The following MTHFD2L variants were observed in gnomAD, a reference collection of about 807,000 sequenced individuals.
MTHFD2L encodes the protein bifunctional methylenetetrahydrofolate dehydrogenase/cyclohydrolase 2, mitochondrial.
In MTHFD2L, 29 loss-of-function variants were observed where a neutral mutation model predicts 34.9. That is an observed-to-expected ratio of 0.83 (90% confidence interval 0.62 to 1.13). MTHFD2L has a LOEUF of 1.13. Ranked by LOEUF, MTHFD2L falls within the 50% of genes most tolerant of loss-of-function variation. The pLI is 0.00. For synonymous variants in MTHFD2L, 167 were observed against 155.7 expected, an observed-to-expected ratio of 1.07 and a Z score of -0.54; for missense variants, 481 against 446.5, an observed-to-expected ratio of 1.08 and a Z score of -0.70.
At chr4:74,211,041 A>C (rs1736225742) in intron 5 of MTHFD2L, among the ~76,000 whole-genome samples, 1 of 152,172 alleles carries the variant, frequency 6.6e-6, no homozygotes, top group Non-Finnish European at 1.5e-5. Context: ...TTGTGTCCTG[A>C]GACTTTGCTG....
At chr4:74,143,290 A>G (rs186663003) in intron 1 of MTHFD2L, 153 of 407,960 alleles carry the variant, frequency 3.8e-4, no homozygotes, top group Non-Finnish European at 4.5e-4. Context: ...CGATCTGGCT[A>G]GAATTTGAGT....
chr4:74,228,273 T>TG (rs1202340088), intron 6 of MTHFD2L, among the ~76,000 whole-genome samples: 1 of 152,232 alleles, frequency 6.6e-6, no homozygotes, highest in Non-Finnish European at 1.5e-5. Context: ...AGTATTATAC[T>TG]GACTTCTTTT....
At chr4:74,296,041 A>C (rs1749590167) in intron 7 of MTHFD2L, among the ~76,000 whole-genome samples, 1 of 152,134 alleles carries the variant, frequency 6.6e-6, no homozygotes, top group South Asian at 2.1e-4. Flanking sequence ...CTTCCCAACT[A>C]GACTAAAAGC....
rs1369354629 is a variant in MTHFD2L at position 74,301,866 on chromosome 4, G to T, written c.*57G>T. On this transcript the variant is annotated 3_prime_UTR_variant, in exon 8 of 8. Coordinates refer to ENST00000325278, the MANE Select transcript of MTHFD2L (RefSeq NM_001144978.3). Reference sequence around the variant, plus strand: ...ATGCTATTTGTTTATTTGACAAAGGGTAAAACCTTTATATTTTACTACAAA... The same window carrying T: ...ATGCTATTTGTTTATTTGACAAAGGTTAAAACCTTTATATTTTACTACAAA... 24 of 1,082,358 alleles carry T rather than the reference G, an allele frequency of 2.2e-5. 1 individual carries two copies. In the South Asian group the frequency reaches 2.4e-4, roughly 11 times the overall value. 67.0% of individuals were successfully genotyped at this position (1,082,358 alleles called of 1,614,324 possible). A position where few individuals can be genotyped will look rare whatever the true frequency, so the allele number is the denominator to read the frequency against.
intron 1 of MTHFD2L, among the ~76,000 whole-genome samples, chr4:74,143,765 C>A (rs1723422320): frequency 6.6e-6 from 1 of 151,582 alleles, no homozygotes; most frequent in Non-Finnish European, 1.5e-5. Flanking sequence ...AATTTTGAGC[C>A]CTAGAAGAAT....
intron 1 of MTHFD2L, among the ~76,000 whole-genome samples, chr4:74,134,661 G>T (rs528129291): frequency 8.7e-4 from 133 of 152,196 alleles, no homozygotes; most frequent in Non-Finnish European, 1.5e-3. Context: ...GGCGATTTGT[G>T]AACTCTCTGA....
chr4:74,172,410 T>A (rs931510994), intron 1 of MTHFD2L, among the ~76,000 whole-genome samples: 6 of 152,204 alleles, frequency 3.9e-5, no homozygotes, highest in Non-Finnish European at 8.8e-5. Flanking sequence ...GAATTCATCA[T>A]GACATTTCAT....
At chr4:74,242,726 G>A (rs1383150026) in intron 6 of MTHFD2L, among the ~76,000 whole-genome samples, 1 of 152,178 alleles carries the variant, frequency 6.6e-6, no homozygotes, top group South Asian at 2.1e-4. Flanking sequence ...TTTATATCAA[G>A]TGTAAGTGTT....
intron 3 of MTHFD2L, chr4:74,194,041 T>A (rs1323571498): frequency 6.6e-6 from 1 of 152,202 alleles, no homozygotes; most frequent in African/African-American, 2.4e-5. Flanking sequence ...TAAAGTTTTT[T>A]ATAAATGCCT....
At chr4:74,256,158 C>T (rs1744000483) in intron 6 of MTHFD2L, among the ~76,000 whole-genome samples, 1 of 152,178 alleles carries the variant, frequency 6.6e-6, no homozygotes, top group Non-Finnish European at 1.5e-5. Context: ...GCCTCACCAG[C>T]ATCTGTTGTC....
chr4:74,186,971 G>A (rs1366427618), intron 3 of MTHFD2L, among the ~76,000 whole-genome samples: 1 of 152,062 alleles, frequency 6.6e-6, no homozygotes, highest in Non-Finnish European at 1.5e-5. Context: ...TCAGATCAAT[G>A]AAACAAAATA....
At chr4:74,204,572 A>G (rs866269559) in intron 5 of MTHFD2L, among the ~76,000 whole-genome samples, 1 of 152,200 alleles carries the variant, frequency 6.6e-6, no homozygotes, top group Non-Finnish European at 1.5e-5. Context: ...AAAAGTTTAT[A>G]AAGTATTTGA....
chr4:74,195,659 T>C (rs560629314), intron 3 of MTHFD2L: 5 of 152,292 alleles, frequency 3.3e-5, no homozygotes, highest in African/African-American at 1.2e-4. Flanking sequence ...GTTGAAGACA[T>C]GCACCCATTA....
At chr4:74,284,387 T>A (rs1747877811) in intron 7 of MTHFD2L, among the ~76,000 whole-genome samples, 2 of 152,188 alleles carry the variant, frequency 1.3e-5, no homozygotes, top group South Asian at 2.1e-4. Context: ...TGGTGTGAGA[T>A]GGTATCTCAT....
intron 6 of MTHFD2L, among the ~76,000 whole-genome samples, chr4:74,250,645 C>T (rs1301216835): frequency 1.3e-5 from 2 of 152,178 alleles, no homozygotes; most frequent in African/African-American, 2.4e-5. Context: ...TGCAGTTCCT[C>T]TTAATTATGC....
intron 6 of MTHFD2L, among the ~76,000 whole-genome samples, chr4:74,231,540 C>T (rs1476224584): frequency 6.6e-6 from 1 of 152,160 alleles, no homozygotes; most frequent in African/African-American, 2.4e-5. Flanking sequence ...CCAGCTTGTC[C>T]TCTTTTGCTA....
chr4:74,241,062 A>G (rs1741629810), intron 6 of MTHFD2L, among the ~76,000 whole-genome samples: 4 of 152,202 alleles, frequency 2.6e-5, no homozygotes, highest in Admixed American at 2.0e-4. Context: ...ATTCATTTCC[A>G]TATATGTAGT....
Position 74,135,605 on chromosome 4 carries a change from T to C in MTHFD2L, c.-297+10088T>C, listed in dbSNP as rs184939345. On this transcript the variant is annotated intron_variant, in intron 1 of 7. Coordinates refer to the MTHFD2L transcript ENST00000433372. ...ACTAATACCAATTCTATTCAAATACTTCAAAACGATTAAAGAGGAGAGAGG... is the reference window on the plus strand; with the variant it reads ...ACTAATACCAATTCTATTCAAATACCTCAAAACGATTAAAGAGGAGAGAGG... 3.4e-3 allele frequency among the ~76,000 whole-genome samples: 519 copies of C among 152,222 alleles called. 5 individuals carry two copies. The highest frequency in any genetic ancestry group is 5.7e-3 in the Non-Finnish European group (389 of 67,980).
At chr4:74,167,088 C>A (rs901357362) in intron 1 of MTHFD2L, among the ~76,000 whole-genome samples, 22 of 152,188 alleles carry the variant, frequency 1.4e-4, no homozygotes, top group African/African-American at 5.1e-4. Flanking sequence ...ACCAAGGCTC[C>A]AGGACTACTC....
Sources: allele counts gnomAD v4.1 joint callset (sites outside exome capture counted in the v4.1 genomes callset), GRCh38; gene constraint gnomAD v4.1.1; transcripts MANE v1.5; gene names NCBI Gene and HGNC (gene_info 2026-07-23, HGNC 2026-07-21).